Variants in BPHL observed in about 807,000 individuals in gnomAD.
BPHL encodes the protein serine hydrolase BPHL.
In BPHL, 27 loss-of-function variants were observed where a neutral mutation model predicts 31.2. The ratio of observed to expected loss-of-function variants is 0.87; its 90% CI spans 0.64 to 1.19. The LOEUF (loss-of-function observed/expected upper bound fraction) is 1.19. BPHL is among the 50% of genes most tolerant of loss of function. The probability of loss-of-function intolerance (pLI) is 0.00; values close to 1 mark genes in which losing one functional copy is unlikely to be tolerated. For missense variants in BPHL, 356 were observed against 375.7 expected (o/e 0.95, Z 0.43); for synonymous variants, 150 against 146.8 (o/e 1.02, Z -0.16).
chr6:3,152,578 A>G lies in BPHL; in HGVS notation c.*3A>G. 3 of 1,612,326 alleles carry G rather than the reference A, an allele frequency of 1.9e-6. No individual in the cohort carries two copies. Among genetic ancestry groups the G allele is most frequent in the Non-Finnish European group, 2.5e-6 (3 of 1,179,036 alleles). On this transcript the variant is annotated 3_prime_UTR_variant, in exon 7 of 7. Coordinates refer to ENST00000380379, the MANE Select transcript of BPHL (RefSeq NM_004332.4). ...TAGCAGAAGACTTCCTACAATGAGAATGCACACTCCAGTCTTGGTGGTTCC... is the reference window on the plus strand; with the variant it reads ...TAGCAGAAGACTTCCTACAATGAGAGTGCACACTCCAGTCTTGGTGGTTCC...
rs568677081 is a variant in BPHL, at chr6:3,131,585, A to T, written c.532+2387A>T. On this transcript the variant is annotated intron_variant, in intron 4 of 6. Transcript: ENST00000380379. ...TTGTAAGGCAAAAATCTAATCACTT[A>T]ATTCCACTAGAGGACTTAAAATCCT... Among the ~76,000 whole-genome samples the T allele has an allele frequency of 8.5e-5, 13 of 152,208 alleles. No individual in the cohort carries two copies. The East Asian group carries it at 2.5e-3, about 29-fold the overall frequency.
At chr6:3,138,145 A>T in intron 5 of BPHL, 1 of 513,256 alleles carries the variant, frequency 1.9e-6, no homozygotes, top group South Asian at 1.7e-5. Context: ...CAGCCTCCCA[A>T]GTAGCTGGGA....
At chr6:3,132,557 G>T (rs1054740822) in intron 4 of BPHL, among the ~76,000 whole-genome samples, 2 of 152,082 alleles carry the variant, frequency 1.3e-5, no homozygotes, top group African/African-American at 4.8e-5. Context: ...CTCACTGGGT[G>T]TGGTGGCTCA....
rs764803949 is a variant in BPHL, at chr6:3,140,538, C to T, written c.788+29C>T. On this transcript the variant is annotated intron_variant, in intron 6 of 6. Coordinates refer to ENST00000380379, the MANE Select transcript of BPHL (RefSeq NM_004332.4). The surrounding 1 kb of genome is among the most constrained non-coding windows in gnomAD (Gnocchi z 5.2). ...AGTCCTGTCACCGCCTTCACACTCCCCCCGAGAGCCTCGGAGTCAATGGGC... is the reference window on the plus strand; with the variant it reads ...AGTCCTGTCACCGCCTTCACACTCCTCCCGAGAGCCTCGGAGTCAATGGGC... 17 of 1,611,250 alleles carry T rather than the reference C, an allele frequency of 1.1e-5. No homozygotes were observed. The highest frequency in any genetic ancestry group is 2.5e-6 in the Non-Finnish European group (3 of 1,179,588).
chr6:3,124,227 G>C (rs1761656388), intron 2 of BPHL: 1 of 152,068 alleles, frequency 6.6e-6, no homozygotes, highest in Non-Finnish European at 1.5e-5. Flanking sequence ...ACCTCAGTTT[G>C]ATTCTTTTTA....
chr6:3,132,191 G>C (rs960413362), intron 4 of BPHL, among the ~76,000 whole-genome samples: 1 of 152,134 alleles, frequency 6.6e-6, no homozygotes, highest in African/African-American at 2.4e-5. Context: ...GTGTGCTAGA[G>C]ACCAAGCCCC....
rs145918941 is a variant in BPHL, at chr6:3,123,237, G to C, written c.108-420G>C. Among the ~76,000 whole-genome samples the C allele has an allele frequency of 1.1e-3, 172 of 152,372 alleles. 1 individual carries two copies. The highest frequency in any genetic ancestry group is 4.0e-3 in the African/African-American group (166 of 41,592). On this transcript the variant is annotated intron_variant, in intron 1 of 6. Transcript: ENST00000380379. ...TCGAAATAACCCAAGGAGACTGAGA[G>C]GCGTTCTGGAGGCGACTCATTCATA...
At chr6:3,147,842 A>G (rs539766809) in intron 6 of BPHL, among the ~76,000 whole-genome samples, 50 of 152,290 alleles carry the variant, frequency 3.3e-4, no homozygotes, top group African/African-American at 1.2e-3. Context: ...TGTGAAAGCC[A>G]GGAGGCTTGA....
chr6:3,152,679 C>A lies in BPHL; in HGVS notation c.*104C>A. On this transcript the variant is annotated 3_prime_UTR_variant, in exon 7 of 7. Transcript: ENST00000380379. The stretch of plus-strand genomic sequence containing the variant: ...ACTCTCCGCCTTTGAAACTTTCTAC[C>A]CCTCCCTTCAATCTTATCCTAACCA... The A allele has an allele frequency of 2.0e-6, 2 of 992,888 alleles. No homozygotes were observed. Among genetic ancestry groups the A allele is most frequent in the Non-Finnish European group, 3.0e-6 (2 of 659,750 alleles). The allele number at this position is 992,888 out of a possible 1,614,324, so 61.5% of individuals were successfully genotyped here.
chr6:3,142,536 T>C (rs1762209169), intron 6 of BPHL, among the ~76,000 whole-genome samples: 2 of 152,228 alleles, frequency 1.3e-5, no homozygotes, highest in Admixed American at 1.3e-4. Context: ...ATATAGTATC[T>C]AGTTATAGTT....
chr6:3,132,061 G>A (rs1359742389), intron 4 of BPHL, among the ~76,000 whole-genome samples: 3 of 152,160 alleles, frequency 2.0e-5, no homozygotes, highest in Non-Finnish European at 4.4e-5. Context: ...GAAAGCAAGA[G>A]TCTCTCAGTA....
At chr6:3,129,323 A>G in intron 4 of BPHL, 125 bp downstream of exon 4, 4 of 1,258,714 alleles carry the variant, frequency 3.2e-6, no homozygotes, top group South Asian at 1.8e-5. Flanking sequence ...ACTCTCAGGT[A>G]GGAAGAATAA....
In BPHL at chr6:3,143,219, G is replaced by T. The variant is rs565902119; in HGVS notation, c.788+2710G>T. 1.0e-3 allele frequency among the ~76,000 whole-genome samples: 158 copies of T among 151,108 alleles called. 1 individual carries two copies. Among genetic ancestry groups the T allele is most frequent in the African/African-American group, 3.8e-3 (153 of 40,502 alleles). The stretch of plus-strand genomic sequence containing the variant: ...GGCAACAAGAGCCGAAACCCTCTCT[G>T]AAAAACAAACAAACAAACAAAAAAA... On this transcript the variant is annotated intron_variant, in intron 6 of 6. Coordinates refer to ENST00000380379, the MANE Select transcript of BPHL (RefSeq NM_004332.4).
upstream of BPHL, chr6:3,118,440 C>T (rs1469328406): frequency 7.2e-6 from 2 of 279,418 alleles, no homozygotes; most frequent in African/African-American, 4.4e-5. Context: ...GCTGAGGCGA[C>T]GAGCGAGGGC....
chr6:3,142,831 A>G (rs1346912851), intron 6 of BPHL, among the ~76,000 whole-genome samples: 1 of 152,216 alleles, frequency 6.6e-6, no homozygotes, highest in African/African-American at 2.4e-5. Context: ...ATGTGCCCTT[A>G]AAGAGCCAGG....
At chr6:3,123,567 A>T in intron 1 of BPHL, 90 bp from the exon 2 acceptor site, 1 of 1,104,302 alleles carries the variant, frequency 9.1e-7, no homozygotes, top group Non-Finnish European at 1.4e-6. Context: ...ACTAACACTT[A>T]TTCCTCCTGT....
At chr6:3,142,972 A>C (rs961919433) in intron 6 of BPHL, among the ~76,000 whole-genome samples, 1 of 152,176 alleles carries the variant, frequency 6.6e-6, no homozygotes, top group African/African-American at 2.4e-5. Flanking sequence ...TAATCCCAGC[A>C]CTTTGGGAGG....
chr6:3,142,180 G>T (rs1306094679), intron 6 of BPHL, among the ~76,000 whole-genome samples: 1 of 151,356 alleles, frequency 6.6e-6, no homozygotes, highest in South Asian at 2.1e-4. Flanking sequence ...GTGCAATGGC[G>T]CGATCTCGGC....
chr6:3,118,799 T>C lies in BPHL; in HGVS notation c.59T>C (p.Leu20Pro). The stretch of plus-strand genomic sequence containing the variant: ...CGCCTGCGGCTGCTTCTCTCAGCGC[T>C]GAAGCCCGGGATCCACGTCCCACGG... Reference protein sequence around the residue: ...VLRLRLLLSALKPGIHVPRAG... With the variant: ...VLRLRLLLSAPKPGIHVPRAG... The change falls in exon 1 of 7, where the codon CTG becomes CCG. Residue 20 changes from leucine (L) to proline (P), a missense_variant. Coordinates refer to ENST00000380379, the MANE Select transcript of BPHL (RefSeq NM_004332.4). 1 of 1,246,728 alleles carries C rather than the reference T, an allele frequency of 8.0e-7. No homozygotes were observed. 77.2% of individuals were successfully genotyped at this position (1,246,728 alleles called of 1,614,324 possible). A position where few individuals can be genotyped will look rare whatever the true frequency, so the allele number is the denominator to read the frequency against.
Sources: gnomAD v4.1 joint callset for allele counts (sites outside exome capture counted in the v4.1 genomes callset) on GRCh38, gnomAD v4.1.1 for gene constraint, Gnocchi (gnomAD v3.1) non-coding constraint, MANE v1.5 for transcripts, NCBI Gene and HGNC (gene_info 2026-07-23, HGNC 2026-07-21) for gene names.